Variants in DTD1 observed in about 807,000 individuals in gnomAD.
DTD1 encodes D-tyrosyl-tRNA deacylase 1 homolog.
Under a neutral mutation model 25.6 loss-of-function variants are expected in DTD1, and 13 were observed. The ratio of observed to expected loss-of-function variants is 0.51; its 90% CI spans 0.33 to 0.81. The LOEUF is 0.81. Among genes scored for constraint, DTD1 ranks in the 30% least tolerant of loss-of-function variants. DTD1 has a pLI of 0.02. For missense variants in DTD1, 193 were observed against 266.4 expected (o/e 0.72, Z 1.92); for synonymous variants, 110 against 103.6 (o/e 1.06, Z -0.37).
At chr20:18,607,380 C>T (rs2060664322) in intron 3 of DTD1, among the ~76,000 whole-genome samples, 1 of 152,050 alleles carries the variant, frequency 6.6e-6, no homozygotes, top group South Asian at 2.1e-4. Context: ...AGGCTGGTTT[C>T]GAATTCCTGA....
intron 4 of DTD1, among the ~76,000 whole-genome samples, chr20:18,648,024 G>T (rs1392703323): frequency 6.6e-6 from 1 of 152,168 alleles, no homozygotes; most frequent in Admixed American, 6.5e-5. Context: ...GGCCCTGCAG[G>T]ACCAGTTGTT....
intron 5 of DTD1, among the ~76,000 whole-genome samples, chr20:18,747,316 G>A (rs980161002): frequency 3.3e-5 from 5 of 152,154 alleles, no homozygotes; most frequent in South Asian, 4.1e-4. Context: ...ACTCATCTCC[G>A]TCAGCAGTGC....
intron 4 of DTD1, among the ~76,000 whole-genome samples, chr20:18,694,260 G>A (rs1243870813): frequency 6.6e-6 from 1 of 152,140 alleles, no homozygotes; most frequent in Non-Finnish European, 1.5e-5. Flanking sequence ...CAGTGCTCAC[G>A]GCTCCCTGGG....
intron 4 of DTD1, among the ~76,000 whole-genome samples, chr20:18,660,498 G>A (rs2122370612): frequency 6.6e-6 from 1 of 152,218 alleles, no homozygotes; most frequent in South Asian, 2.1e-4. Context: ...TGGGATTACA[G>A]GCATGAGCCA....
At chr20:18,647,689 G>C (rs1235718805) in intron 4 of DTD1, among the ~76,000 whole-genome samples, 1 of 152,176 alleles carries the variant, frequency 6.6e-6, no homozygotes, top group African/African-American at 2.4e-5. Flanking sequence ...TGGCAATGCT[G>C]TGTCCTGGTA....
chr20:18,644,897 A>G (rs1158532778), intron 4 of DTD1, among the ~76,000 whole-genome samples: 1 of 152,142 alleles, frequency 6.6e-6, no homozygotes, highest in Non-Finnish European at 1.5e-5. Context: ...TATAATCCCA[A>G]GACTTTGGGA....
intron 3 of DTD1, among the ~76,000 whole-genome samples, chr20:18,621,956 CG>C (rs540331899): frequency 6.6e-6 from 1 of 151,410 alleles, no homozygotes; most frequent in Non-Finnish European, 1.5e-5. Flanking sequence ...CCCAGCTACT[CG>C]GGAGGCTGAG....
At chr20:18,662,056 G>A (rs1316731554) in intron 4 of DTD1, among the ~76,000 whole-genome samples, 1 of 152,128 alleles carries the variant, frequency 6.6e-6, no homozygotes, top group Admixed American at 6.5e-5. Flanking sequence ...GAAGGCTGAG[G>A]TGGGAGGATC....
At chr20:18,653,579 G>T (rs1016586151) in intron 4 of DTD1, among the ~76,000 whole-genome samples, 1 of 152,190 alleles carries the variant, frequency 6.6e-6, no homozygotes, top group Non-Finnish European at 1.5e-5. Flanking sequence ...TGTGAAAGGT[G>T]TATGATCTAA....
chr20:18,721,332 C>T (rs1337802857), intron 4 of DTD1, among the ~76,000 whole-genome samples: 1 of 152,124 alleles, frequency 6.6e-6, no homozygotes, highest in Non-Finnish European at 1.5e-5. Context: ...GCCACATGGT[C>T]CTCCTCCCTC....
At chr20:18,589,010 C>T (rs1207384141) in intron 1 of DTD1, 17 of 459,976 alleles carry the variant, frequency 3.7e-5, no homozygotes, top group Non-Finnish European at 2.6e-5. Flanking sequence ...GTCCTTGGAG[C>T]CAGTCTGCAC....
At chr20:18,698,002 T>A (rs929884574) in intron 4 of DTD1, among the ~76,000 whole-genome samples, 7 of 152,212 alleles carry the variant, frequency 4.6e-5, no homozygotes, top group Non-Finnish European at 7.3e-5. Flanking sequence ...TTTTTCACAA[T>A]TATAAGTAGT....
At chr20:18,618,645 A>G (rs773243547) in intron 3 of DTD1, among the ~76,000 whole-genome samples, 3 of 149,738 alleles carry the variant, frequency 2.0e-5, no homozygotes, top group African/African-American at 2.5e-5. Flanking sequence ...AATTATACAC[A>G]TATATGTGTA....
intron 4 of DTD1, among the ~76,000 whole-genome samples, chr20:18,653,249 C>T (rs959306190): frequency 1.3e-5 from 2 of 152,156 alleles, no homozygotes; most frequent in African/African-American, 4.8e-5. Context: ...AAAAAATTAG[C>T]TGGGTATTAT....
intron 2 of DTD1, among the ~76,000 whole-genome samples, chr20:18,594,059 A>G (rs2060600817): frequency 6.6e-6 from 1 of 152,202 alleles, no homozygotes; most frequent in South Asian, 2.1e-4. Flanking sequence ...TCTGTTTGCT[A>G]CTGTGGCCTC....
intron 4 of DTD1, among the ~76,000 whole-genome samples, chr20:18,702,800 T>C (rs1394255786): frequency 6.8e-6 from 1 of 146,342 alleles, no homozygotes; most frequent in Non-Finnish European, 1.5e-5. Flanking sequence ...ATTGGCAAAC[T>C]AATGTTTTTC....
chr20:18,657,194 G>A (rs1337968491), intron 4 of DTD1, among the ~76,000 whole-genome samples: 3 of 152,094 alleles, frequency 2.0e-5, no homozygotes, highest in Non-Finnish European at 4.4e-5. Flanking sequence ...CTTTGGTCAC[G>A]GGGACCCCTT....
chr20:18,702,793 G>A (rs557538780), intron 4 of DTD1, among the ~76,000 whole-genome samples: 2 of 147,898 alleles, frequency 1.4e-5, no homozygotes, highest in East Asian at 4.0e-4. Flanking sequence ...TAAAAGAATT[G>A]GCAAACTAAT....
chr20:18,644,529 C>T (rs1364237084), intron 4 of DTD1, among the ~76,000 whole-genome samples: 1 of 152,182 alleles, frequency 6.6e-6, no homozygotes, highest in Non-Finnish European at 1.5e-5. Flanking sequence ...ACCAGGTAGG[C>T]TCAGCCAACT....
Sources: allele counts gnomAD v4.1 joint callset (sites outside exome capture counted in the v4.1 genomes callset), GRCh38; gene constraint gnomAD v4.1.1; transcripts MANE v1.5; gene names NCBI Gene and HGNC (gene_info 2026-07-23, HGNC 2026-07-21).